The following SHTN1 variants were observed in gnomAD, a reference collection of about 807,000 sequenced individuals.
SHTN1 encodes the protein shootin-1.
In SHTN1, 42 loss-of-function variants were observed where a neutral mutation model predicts 83.1. The observed-to-expected ratio is 0.51, with a 90% confidence interval of 0.39 to 0.65. SHTN1 has a LOEUF of 0.65. SHTN1 is among the 30% of genes least tolerant of loss of function. The pLI, the probability that SHTN1 is intolerant of heterozygous loss-of-function variation, is 0.00. For missense variants in SHTN1, 622 were observed against 737.8 expected (o/e 0.84, Z 1.82); for synonymous variants, 224 against 247.7 (o/e 0.90, Z 0.90).
intron 1 of SHTN1, among the ~76,000 whole-genome samples, chr10:117,121,190 A>T (rs1347030685): frequency 6.6e-6 from 1 of 152,240 alleles, no homozygotes; most frequent in Non-Finnish European, 1.5e-5. Flanking sequence ...AAATTGTTTA[A>T]AAAAGATATT....
At chr10:117,015,831 T>C (rs1433911974) in intron 2 of SHTN1, among the ~76,000 whole-genome samples, 1 of 152,262 alleles carries the variant, frequency 6.6e-6, no homozygotes. Flanking sequence ...GTGTTCCTAT[T>C]GACTCTATAG....
chr10:117,041,307 T>C (rs1028786637), intron 2 of SHTN1, among the ~76,000 whole-genome samples: 1 of 152,136 alleles, frequency 6.6e-6, no homozygotes, highest in African/African-American at 2.4e-5. Context: ...CCAAAGGAAA[T>C]TCAACAGAAA....
At chr10:117,076,369 C>T (rs549556158) in intron 1 of SHTN1, among the ~76,000 whole-genome samples, 72 of 151,966 alleles carry the variant, frequency 4.7e-4, no homozygotes, top group Non-Finnish European at 8.7e-4. Context: ...AACTAAAGCC[C>T]AGGTTTTCTT....
At chr10:116,904,002 T>C (rs1018372346) in intron 15 of SHTN1, among the ~76,000 whole-genome samples, 1 of 152,214 alleles carries the variant, frequency 6.6e-6, no homozygotes, top group Non-Finnish European at 1.5e-5. Context: ...GTTAAATGCC[T>C]AAGAAAAATC....
At chr10:117,022,903 G>A (rs2133565702) in intron 2 of SHTN1, among the ~76,000 whole-genome samples, 1 of 152,284 alleles carries the variant, frequency 6.6e-6, no homozygotes, top group South Asian at 2.1e-4. Context: ...AGGTGACAGA[G>A]CAAAACTCTG....
chr10:116,967,360 T>C, intron 3 of SHTN1, among the ~76,000 whole-genome samples: 1 of 152,216 alleles, frequency 6.6e-6, no homozygotes, highest in East Asian at 1.9e-4. Flanking sequence ...GAGAGGGCTA[T>C]TTCAAACATT....
At chr10:117,064,654 C>CA (rs11376208) in intron 1 of SHTN1, among the ~76,000 whole-genome samples, 98,295 of 136,356 alleles carry the variant, frequency 0.72, 36,039 homozygotes, top group Middle Eastern at 0.84. Flanking sequence ...GACTTTGTCT[C>CA]AAAAAAAAAA....
At position 116,952,693 on chromosome 10, in the gene SHTN1, T is replaced by G. The variant is rs564145083; in HGVS notation, c.437-687A>C. Among the ~76,000 whole-genome samples, 43 of 152,332 alleles carry G rather than the reference T, an allele frequency of 2.8e-4. 1 individual carries two copies. Among genetic ancestry groups the G allele is most frequent in the African/African-American group, 1.0e-3 (43 of 41,580 alleles). On this transcript the variant is annotated intron_variant, in intron 5 of 16. Coordinates refer to ENST00000355371, the MANE Select transcript of SHTN1 (RefSeq NM_001127211.3). ...AAGTTACTTCTGTCACTCAAATGTTTGAAAATACACATAGATTAGCACAGA... is the reference window on the plus strand; with the variant it reads ...AAGTTACTTCTGTCACTCAAATGTTGGAAAATACACATAGATTAGCACAGA...
chr10:116,960,898 G>A (rs1850161658), intron 3 of SHTN1, among the ~76,000 whole-genome samples: 1 of 152,124 alleles, frequency 6.6e-6, no homozygotes, highest in African/African-American at 2.4e-5. Context: ...AATTTTACTT[G>A]ATATGTCACC....
chr10:116,955,001 C>T (rs1455714909), intron 4 of SHTN1, among the ~76,000 whole-genome samples: 1 of 149,116 alleles, frequency 6.7e-6, no homozygotes, highest in Non-Finnish European at 1.5e-5. Context: ...ATGGAAGTCT[C>T]TGATATTTCT....
intron 16 of SHTN1, among the ~76,000 whole-genome samples, chr10:116,888,161 G>A (rs1847222200): frequency 6.6e-6 from 1 of 152,198 alleles, no homozygotes; most frequent in African/African-American, 2.4e-5. Flanking sequence ...AGGCTGTGCT[G>A]TAGTGAGGAC....
intron 1 of SHTN1, among the ~76,000 whole-genome samples, chr10:117,052,194 C>A (rs1487488687): frequency 6.6e-6 from 1 of 150,894 alleles, no homozygotes; most frequent in African/African-American, 2.4e-5. Flanking sequence ...TCAAAAGGAT[C>A]AAAATACTTA....
At chr10:116,935,626 C>A (rs1420604526) in intron 9 of SHTN1, among the ~76,000 whole-genome samples, 2 of 152,068 alleles carry the variant, frequency 1.3e-5, no homozygotes, top group Non-Finnish European at 2.9e-5. Context: ...CTGAAATTTT[C>A]TTTTTTTGTT....
At chr10:116,897,749 T>C (rs1017039805) in intron 16 of SHTN1, among the ~76,000 whole-genome samples, 5 of 152,054 alleles carry the variant, frequency 3.3e-5, no homozygotes, top group African/African-American at 1.2e-4. Context: ...TTTCCCAGGG[T>C]CACAAATATC....
chr10:116,963,812 A>T (rs1036799401), intron 3 of SHTN1, among the ~76,000 whole-genome samples: 1 of 152,200 alleles, frequency 6.6e-6, no homozygotes, highest in South Asian at 2.1e-4. Context: ...TAGTAAAAAA[A>T]TTTTAATGAC....
chr10:117,068,919 A>G (rs2133601585), intron 1 of SHTN1, among the ~76,000 whole-genome samples: 1 of 152,266 alleles, frequency 6.6e-6, no homozygotes, highest in Middle Eastern at 3.4e-3. Flanking sequence ...AACATCTGAG[A>G]CAGTTTTTTT....
chr10:117,058,125 A>T (rs1270572483), intron 1 of SHTN1, among the ~76,000 whole-genome samples: 2 of 152,186 alleles, frequency 1.3e-5, no homozygotes, highest in Non-Finnish European at 2.9e-5. Flanking sequence ...TTTGACAATG[A>T]TTTCTTAGGT....
At chr10:117,025,594 AG>A (rs1011862392) in intron 2 of SHTN1, among the ~76,000 whole-genome samples, 1 of 152,162 alleles carries the variant, frequency 6.6e-6, no homozygotes, top group African/African-American at 2.4e-5. Flanking sequence ...AGGGAGTGTC[AG>A]CATCACCCTT....
chr10:116,962,392 GAAGGA>G (rs1483370094), intron 3 of SHTN1, among the ~76,000 whole-genome samples: 1 of 152,068 alleles, frequency 6.6e-6, no homozygotes, highest in African/African-American at 2.4e-5. Context: ...TCAAAAATGT[GAAGGA>G]AAGAGAAAAG....
Sources: gnomAD v4.1 joint callset for allele counts (sites outside exome capture counted in the v4.1 genomes callset) on GRCh38, gnomAD v4.1.1 for gene constraint, MANE v1.5 for transcripts, NCBI Gene and HGNC (gene_info 2026-07-23, HGNC 2026-07-21) for gene names.